ZNF609: variants seen among roughly 807,000 people sequenced by gnomAD.
The protein encoded by ZNF609 is zinc finger protein 609.
In ZNF609, 11 loss-of-function variants were observed where a neutral mutation model predicts 109.5. That is an observed-to-expected ratio of 0.10 (90% confidence interval 0.06 to 0.17). ZNF609 has a LOEUF of 0.17. ZNF609 is among the 10% of genes least tolerant of loss of function. The pLI is 1.00. For missense variants in ZNF609, 1,559 were observed against 1,772.4 expected (o/e 0.88, Z 2.16); for synonymous variants, 646 against 662.0 (o/e 0.98, Z 0.37).
At chr15:64,482,823 G>C (rs1405241828) in intron 1 of ZNF609, among the ~76,000 whole-genome samples, 2 of 152,284 alleles carry the variant, frequency 1.3e-5, no homozygotes, top group Admixed American at 1.3e-4. Context: ...AAGACTGCTT[G>C]AAAACTTTAG....
intron 1 of ZNF609, among the ~76,000 whole-genome samples, chr15:64,485,884 A>G (rs2140340610): frequency 6.6e-6 from 1 of 152,328 alleles, no homozygotes. Flanking sequence ...GTACAATATC[A>G]TAATTTTGAC....
rs1156277597 is a variant in ZNF609, at chr15:64,580,952, CTTCTTTT to C, written c.748-41872_748-41866del. 1.1e-4 allele frequency among the ~76,000 whole-genome samples: 9 copies of C among 80,866 alleles called. No homozygotes were observed. In the Admixed American group the frequency reaches 1.4e-3, roughly 12 times the overall value. The allele number at this position is 80,866 out of a possible 152,430, so 53.1% of individuals were successfully genotyped here. A position where few individuals can be genotyped will look rare whatever the true frequency, so the allele number is the denominator to read the frequency against. On this transcript the variant is annotated intron_variant, in intron 2 of 9. Coordinates refer to ENST00000326648, the MANE Select transcript of ZNF609 (RefSeq NM_015042.2). ...AACTCTGTTTTCTAGTCTTCAATGTCTTCTTTTTTTTTTTTTTTTTTTTTTTTTTTTG... is the reference window on the plus strand; with the variant it reads ...AACTCTGTTTTCTAGTCTTCAATGTCTTTTTTTTTTTTTTTTTTTTTTTTG...
At chr15:64,506,147 GTATT>G (rs201381585) in intron 2 of ZNF609, among the ~76,000 whole-genome samples, 1 of 151,392 alleles carries the variant, frequency 6.6e-6, no homozygotes, top group African/African-American at 2.4e-5. Flanking sequence ...ACATAAGTTT[GTATT>G]TATTTATTTA....
At chr15:64,643,811 G>A (rs1896294639) in intron 3 of ZNF609, 1 of 152,196 alleles carries the variant, frequency 6.6e-6, no homozygotes, top group South Asian at 2.1e-4. Flanking sequence ...AGGTAACAAA[G>A]TAGGCCAGGT....
At chr15:64,585,413 A>C (rs1229594923) in intron 2 of ZNF609, among the ~76,000 whole-genome samples, 1 of 152,136 alleles carries the variant, frequency 6.6e-6, no homozygotes, top group Non-Finnish European at 1.5e-5. Context: ...CAATGGTCTT[A>C]TGCTGAGGGT....
At chr15:64,511,336 G>T (rs1893724565) in intron 2 of ZNF609, among the ~76,000 whole-genome samples, 1 of 151,818 alleles carries the variant, frequency 6.6e-6, no homozygotes, top group African/African-American at 2.4e-5. Flanking sequence ...AGCCAGGCAT[G>T]GTGGCGTGGT....
chr15:64,525,303 C>T lies in ZNF609; in HGVS notation c.747+25137C>T, dbSNP rs760514041. Among the ~76,000 whole-genome samples, 53 of 152,204 alleles carry T rather than the reference C, an allele frequency of 3.5e-4. 1 individual carries two copies. The highest frequency in any genetic ancestry group is 1.0e-3 in the African/African-American group (43 of 41,528). On this transcript the variant is annotated intron_variant, in intron 2 of 9. Coordinates refer to ENST00000326648, the MANE Select transcript of ZNF609 (RefSeq NM_015042.2). ...CTTTAGTCTTTTACATGTACATATG[C>T]GGTTTTCCTAGCACCAATCGTTGAA...
At chr15:64,478,038 C>T (rs556367967) in intron 1 of ZNF609, among the ~76,000 whole-genome samples, 2 of 152,042 alleles carry the variant, frequency 1.3e-5, no homozygotes, top group African/African-American at 4.8e-5. Context: ...ATATTGGGAC[C>T]CATTTACTCT....
intron 2 of ZNF609, among the ~76,000 whole-genome samples, chr15:64,605,880 C>T (rs2140953015): frequency 6.9e-6 from 1 of 145,806 alleles, no homozygotes; most frequent in East Asian, 2.0e-4. Flanking sequence ...ATTACAGGCG[C>T]CTGCCACCAC....
chr15:64,661,589 G>A (rs1394356585), intron 3 of ZNF609, among the ~76,000 whole-genome samples: 2 of 152,130 alleles, frequency 1.3e-5, no homozygotes, highest in Non-Finnish European at 2.9e-5. Flanking sequence ...GTTTCCATTT[G>A]GAAACTCAAT....
At chr15:64,670,647 G>A (rs1896712063) in intron 4 of ZNF609, among the ~76,000 whole-genome samples, 2 of 152,098 alleles carry the variant, frequency 1.3e-5, no homozygotes, top group African/African-American at 2.4e-5. Flanking sequence ...GGGAGGCTGA[G>A]GCAGGCGGAT....
chr15:64,563,907 G>A (rs188171259), intron 2 of ZNF609, among the ~76,000 whole-genome samples: 1,847 of 152,076 alleles, frequency 0.012, 115 homozygotes, highest in Admixed American at 0.11. Context: ...TTTTTGAGAC[G>A]GAGTCTCGCT....
chr15:64,592,975 C>CA, intron 2 of ZNF609: 2 of 1,285,480 alleles, frequency 1.6e-6, no homozygotes, highest in Non-Finnish European at 2.2e-6. Context: ...TCCGTGCCTC[C>CA]AAGATGACAA....
At chr15:64,582,910 C>T (rs374408342) in intron 2 of ZNF609, among the ~76,000 whole-genome samples, 53 of 151,496 alleles carry the variant, frequency 3.5e-4, no homozygotes, top group African/African-American at 1.3e-3. Context: ...CGCCATCACG[C>T]CCGGCTAATT....
At chr15:64,585,971 G>C (rs1160564753) in intron 2 of ZNF609, among the ~76,000 whole-genome samples, 1 of 151,944 alleles carries the variant, frequency 6.6e-6, no homozygotes, top group South Asian at 2.1e-4. Flanking sequence ...TCAGCCTCCC[G>C]AGTAGCAGGG....
At chr15:64,563,061 T>G (rs906376382) in intron 2 of ZNF609, among the ~76,000 whole-genome samples, 3 of 152,072 alleles carry the variant, frequency 2.0e-5, no homozygotes, top group African/African-American at 7.2e-5. Flanking sequence ...GAAAGATCAC[T>G]TGAGCCTGGG....
intron 3 of ZNF609, among the ~76,000 whole-genome samples, chr15:64,663,607 G>A (rs770274769): frequency 3.3e-5 from 5 of 152,144 alleles, no homozygotes; most frequent in Admixed American, 6.5e-5. Context: ...TGAAGTACCA[G>A]CAAAAGATGC....
chr15:64,641,342 C>G (rs755264604), intron 3 of ZNF609, among the ~76,000 whole-genome samples: 3 of 150,540 alleles, frequency 2.0e-5, no homozygotes, highest in East Asian at 3.9e-4. Context: ...TTCAGTCTCC[C>G]GAGTAGCTGG....
At chr15:64,629,447 G>A (rs1048407480) in intron 3 of ZNF609, among the ~76,000 whole-genome samples, 1 of 152,170 alleles carries the variant, frequency 6.6e-6, no homozygotes, top group Non-Finnish European at 1.5e-5. Context: ...GTCTAGGGCT[G>A]GTATGATGAC....
Sources: gnomAD v4.1 joint callset for allele counts (sites outside exome capture counted in the v4.1 genomes callset) on GRCh38, gnomAD v4.1.1 for gene constraint, MANE v1.5 for transcripts, NCBI Gene and HGNC (gene_info 2026-07-23, HGNC 2026-07-21) for gene names.